Variants in EDIL3 observed in about 807,000 individuals in gnomAD.
The protein encoded by EDIL3 is EGF like and discoidin domains 3.
Under a neutral mutation model 67.4 loss-of-function variants are expected in EDIL3, and 37 were observed. The observed-to-expected ratio is 0.55, with a 90% confidence interval of 0.42 to 0.72. EDIL3 has a LOEUF of 0.72. Ranked by LOEUF, EDIL3 falls within the 30% of genes least tolerant of loss-of-function variation. The pLI is 0.00. For missense variants in EDIL3, 527 were observed against 586.3 expected, an observed-to-expected ratio of 0.90 and a Z score of 1.04; for synonymous variants, 195 against 196.3, an observed-to-expected ratio of 0.99 and a Z score of 0.05.
intron 1 of EDIL3, among the ~76,000 whole-genome samples, chr5:84,334,189 G>C (rs1229024026): frequency 1.3e-5 from 2 of 151,338 alleles, no homozygotes; most frequent in Non-Finnish European, 2.9e-5. Context: ...AGCCTCCTGC[G>C]TAGCTGAGAT....
At chr5:84,303,955 A>G (rs1312579816) in intron 1 of EDIL3, among the ~76,000 whole-genome samples, 2 of 151,926 alleles carry the variant, frequency 1.3e-5, no homozygotes, top group Admixed American at 1.3e-4. Context: ...TAACTTTTCC[A>G]TTCTACAATA....
intron 5 of EDIL3, among the ~76,000 whole-genome samples, chr5:84,125,201 G>C (rs1234771042): frequency 6.6e-6 from 1 of 151,926 alleles, no homozygotes; most frequent in Non-Finnish European, 1.5e-5. Context: ...TCATTTTACA[G>C]AGGTAAACTG....
intron 1 of EDIL3, among the ~76,000 whole-genome samples, chr5:84,334,119 T>A (rs916034976): frequency 1.0e-4 from 15 of 150,062 alleles, no homozygotes; most frequent in African/African-American, 3.7e-4. Context: ...CAGGTGGGAG[T>A]GCAGTGGTGC....
At chr5:84,114,817 C>T (rs980443190) in intron 5 of EDIL3, among the ~76,000 whole-genome samples, 4 of 152,154 alleles carry the variant, frequency 2.6e-5, no homozygotes, top group African/African-American at 4.8e-5. Context: ...GGAAAACATT[C>T]TCTCAATTTT....
At chr5:84,334,919 A>C (rs1472749335) in intron 1 of EDIL3, among the ~76,000 whole-genome samples, 3 of 152,042 alleles carry the variant, frequency 2.0e-5, no homozygotes, top group Non-Finnish European at 2.9e-5. Context: ...ATCCTTTACT[A>C]TTTTCTTATT....
intron 1 of EDIL3, among the ~76,000 whole-genome samples, chr5:84,287,736 C>T (rs1745836426): frequency 6.6e-6 from 1 of 152,142 alleles, no homozygotes; most frequent in Non-Finnish European, 1.5e-5. Context: ...CAGCATTAGA[C>T]AGAGTTGAAT....
intron 2 of EDIL3, among the ~76,000 whole-genome samples, chr5:84,249,365 A>C (rs1267695364): frequency 6.7e-6 from 1 of 150,064 alleles, no homozygotes; most frequent in Non-Finnish European, 1.5e-5. Flanking sequence ...CACAACACAT[A>C]ACAACATATC....
At chr5:83,983,101 C>T (rs113723361) in intron 9 of EDIL3, among the ~76,000 whole-genome samples, 1 of 152,070 alleles carries the variant, frequency 6.6e-6, no homozygotes, top group African/African-American at 2.4e-5. Context: ...TTGAAGGAAC[C>T]ATATGAACTA....
At chr5:83,989,628 A>G (rs544668334) in intron 9 of EDIL3, among the ~76,000 whole-genome samples, 3 of 152,206 alleles carry the variant, frequency 2.0e-5, no homozygotes, top group African/African-American at 7.2e-5. Context: ...ATATTTGACT[A>G]AAGTATGGAC....
intron 9 of EDIL3, among the ~76,000 whole-genome samples, chr5:84,021,228 C>CTT (rs925072186): frequency 6.6e-6 from 1 of 151,200 alleles, no homozygotes; most frequent in Non-Finnish European, 1.5e-5. Flanking sequence ...TTTAGTTCTG[C>CTT]TTTTATCTTC....
At chr5:84,054,985 A>T (rs1233659987) in intron 9 of EDIL3, among the ~76,000 whole-genome samples, 1 of 146,354 alleles carries the variant, frequency 6.8e-6, no homozygotes, top group African/African-American at 2.7e-5. Context: ...GAACCAAAAA[A>T]TAGCCTGCAT....
At chr5:84,136,472 CT>C (rs201611074) in intron 5 of EDIL3, among the ~76,000 whole-genome samples, 1 of 151,286 alleles carries the variant, frequency 6.6e-6, no homozygotes, top group Non-Finnish European at 1.5e-5. Context: ...TTTTTCCCAG[CT>C]TTTTTTTTCT....
intron 6 of EDIL3, among the ~76,000 whole-genome samples, chr5:84,071,706 C>A (rs1015183226): frequency 3.3e-5 from 5 of 152,146 alleles, no homozygotes; most frequent in South Asian, 2.1e-4. Flanking sequence ...GATGATGCAA[C>A]TAACAATTTA....
At chr5:84,020,044 T>C (rs1371259256) in intron 9 of EDIL3, among the ~76,000 whole-genome samples, 1 of 132,624 alleles carries the variant, frequency 7.5e-6, no homozygotes. Context: ...ATAATGAATA[T>C]CAGTGCATTA....
chr5:84,294,781 A>G (rs182043631), intron 1 of EDIL3, among the ~76,000 whole-genome samples: 3 of 152,298 alleles, frequency 2.0e-5, no homozygotes, highest in African/African-American at 7.2e-5. Flanking sequence ...GTAACACATT[A>G]TGTGCATTAC....
intron 2 of EDIL3, among the ~76,000 whole-genome samples, chr5:84,250,468 TGTGA>T (rs1367029159): frequency 6.6e-6 from 1 of 152,244 alleles, no homozygotes; most frequent in African/African-American, 2.4e-5. Context: ...ATGCAAGTGA[TGTGA>T]GTATTGATTG....
intron 10 of EDIL3, among the ~76,000 whole-genome samples, chr5:83,948,120 T>C (rs933340070): frequency 2.0e-5 from 3 of 151,838 alleles, no homozygotes; most frequent in African/African-American, 7.2e-5. Context: ...TTTTGGGTTA[T>C]AGTTGATTGA....
At chr5:84,297,769 G>C (rs1746080436) in intron 1 of EDIL3, among the ~76,000 whole-genome samples, 1 of 152,182 alleles carries the variant, frequency 6.6e-6, no homozygotes, top group South Asian at 2.1e-4. Context: ...TGGTTTAGCA[G>C]TTTCTCTGCT....
At chr5:84,281,941 G>A (rs6452565) in intron 1 of EDIL3, among the ~76,000 whole-genome samples, 119,429 of 146,600 alleles carry the variant, frequency 0.81, 48,910 homozygotes, top group East Asian at 0.95. Context: ...ATCTCGGCTC[G>A]CTGCAACCTC....
Sources: allele counts gnomAD v4.1 joint callset (sites outside exome capture counted in the v4.1 genomes callset), GRCh38; gene constraint gnomAD v4.1.1; transcripts MANE v1.5; gene names NCBI Gene and HGNC (gene_info 2026-07-23, HGNC 2026-07-21).